Variants in EPB41 observed in about 807,000 individuals in gnomAD.
EPB41 encodes protein 4.1.
In EPB41, 65 loss-of-function variants were observed where a neutral mutation model predicts 108.0. The observed-to-expected ratio is 0.60, with a 90% CI of 0.49 to 0.74. The LOEUF (loss-of-function observed/expected upper bound fraction) is 0.74, where lower values mean the gene tolerates loss of function less well. Ranked by LOEUF, EPB41 falls within the 30% of genes least tolerant of loss-of-function variation. The pLI is 0.00. For synonymous variants in EPB41, 336 were observed against 358.9 expected, an observed-to-expected ratio of 0.94 and a Z score of 0.72; for missense variants, 875 against 1,037.0, an observed-to-expected ratio of 0.84 and a Z score of 2.15.
At chr1:28,904,783 C>T (rs1360231164) in intron 1 of EPB41, among the ~76,000 whole-genome samples, 1 of 151,968 alleles carries the variant, frequency 6.6e-6, no homozygotes, top group Non-Finnish European at 1.5e-5. Context: ...CCTGTGATCC[C>T]AGCATTTTGG....
At chr1:28,938,905 C>T (rs1012989814) in intron 1 of EPB41, among the ~76,000 whole-genome samples, 2 of 152,142 alleles carry the variant, frequency 1.3e-5, no homozygotes, top group African/African-American at 4.8e-5. Flanking sequence ...TTTCTATTTA[C>T]AAGATTATGT....
intron 5 of EPB41, among the ~76,000 whole-genome samples, chr1:29,014,775 A>G (rs2096556002): frequency 6.6e-6 from 1 of 152,228 alleles, no homozygotes; most frequent in Non-Finnish European, 1.5e-5. Flanking sequence ...GTGTTTTAAT[A>G]TAAATATGCA....
chr1:29,109,910 T>C (rs2151684855), intron 18 of EPB41, among the ~76,000 whole-genome samples: 1 of 152,252 alleles, frequency 6.6e-6, no homozygotes, highest in South Asian at 2.1e-4. Context: ...GGCATACACC[T>C]GTAGTCCCAG....
intron 1 of EPB41, among the ~76,000 whole-genome samples, chr1:28,918,494 CAAT>C (rs2092844968): frequency 6.6e-6 from 1 of 152,206 alleles, no homozygotes; most frequent in Non-Finnish European, 1.5e-5. Flanking sequence ...AGCTAAACAA[CAAT>C]AATTCCAATA....
intron 1 of EPB41, among the ~76,000 whole-genome samples, chr1:28,931,414 A>C (rs2093737320): frequency 6.6e-6 from 1 of 150,962 alleles, no homozygotes; most frequent in African/African-American, 2.4e-5. Flanking sequence ...CACAAATATC[A>C]CAAAATTTAG....
chr1:29,002,450 C>CAAAAAAAA (rs773724543), intron 4 of EPB41, among the ~76,000 whole-genome samples: 1 of 115,220 alleles, frequency 8.7e-6, no homozygotes. Flanking sequence ...GACCCTACCT[C>CAAAAAAAA]AAAAAAAAAA....
rs900451456 is a variant in EPB41 at position 29,001,392 on chromosome 1, T to G, written c.786+4073T>G. Among the ~76,000 whole-genome samples, 16 of 152,122 alleles carry G rather than the reference T, an allele frequency of 1.1e-4. 1 individual carries two copies. Among genetic ancestry groups the G allele is most frequent in the Non-Finnish European group, 4.4e-5 (3 of 68,008 alleles). On this transcript the variant is annotated intron_variant, in intron 4 of 20. Coordinates refer to ENST00000343067, the MANE Select transcript of EPB41 (RefSeq NM_001376013.1). ...TAGTCTGGATGGGTATCACAGTCTGTTTTATATACAGCTGTCCCTGGTATC... is the reference window on the plus strand; with the variant it reads ...TAGTCTGGATGGGTATCACAGTCTGGTTTATATACAGCTGTCCCTGGTATC...
intron 17 of EPB41, among the ~76,000 whole-genome samples, chr1:29,099,194 C>G (rs1664358144): frequency 6.7e-6 from 1 of 149,634 alleles, no homozygotes; most frequent in Non-Finnish European, 1.5e-5. Context: ...GTAATCCCAG[C>G]TACTCAGGAG....
chr1:29,074,660 G>T (rs901684570), intron 16 of EPB41, among the ~76,000 whole-genome samples: 5 of 152,166 alleles, frequency 3.3e-5, no homozygotes, highest in Non-Finnish European at 4.4e-5. Flanking sequence ...AAGAGCAGTG[G>T]CTATGATCAA....
At chr1:28,904,626 G>A (rs1244445545) in intron 1 of EPB41, among the ~76,000 whole-genome samples, 3 of 152,078 alleles carry the variant, frequency 2.0e-5, no homozygotes, top group Non-Finnish European at 4.4e-5. Context: ...GGCCAGGCGC[G>A]GTGGCTCATG....
At position 29,088,231 on chromosome 1, in the gene EPB41, G is replaced by A. The variant is rs969380663; in HGVS notation, c.2185-9576G>A. Among the ~76,000 whole-genome samples the A allele has an allele frequency of 2.6e-5, 4 of 151,862 alleles. No individual in the cohort carries two copies. The East Asian group carries it at 7.7e-4, about 29-fold the overall frequency. On this transcript the variant is annotated intron_variant, in intron 16 of 20. Transcript: ENST00000343067. ...CTGGCTAATTTTTGTATTTTTAGTA[G>A]AGACGGGGTTTCGCCATGTTGGCTA...
intron 16 of EPB41, among the ~76,000 whole-genome samples, chr1:29,087,802 T>C (rs1659705043): frequency 6.6e-6 from 1 of 152,134 alleles, no homozygotes; most frequent in Admixed American, 6.5e-5. Context: ...AGAAAGCCTT[T>C]AGGAAAAAAA....
At chr1:29,060,552 T>C in intron 15 of EPB41, 68 bp downstream of exon 15, 1 of 1,389,288 alleles carries the variant, frequency 7.2e-7, no homozygotes, top group Non-Finnish European at 1.0e-6. Flanking sequence ...GCTGATCCCC[T>C]TTTCTTCATT....
chr1:28,903,351 G>T (rs780438433), intron 1 of EPB41, among the ~76,000 whole-genome samples: 4 of 145,742 alleles, frequency 2.7e-5, no homozygotes, highest in Non-Finnish European at 5.9e-5. Flanking sequence ...TTGAGCTAAG[G>T]TCTCACTCTG....
intron 7 of EPB41, among the ~76,000 whole-genome samples, chr1:29,026,303 T>G (rs934758108): frequency 1.1e-4 from 17 of 152,228 alleles, no homozygotes; most frequent in Admixed American, 6.5e-4. Context: ...AGGGAGAAAC[T>G]AAAATGAACC....
intron 16 of EPB41, among the ~76,000 whole-genome samples, chr1:29,081,767 G>A (rs1573688654): frequency 6.6e-6 from 1 of 151,498 alleles, no homozygotes; most frequent in African/African-American, 2.4e-5. Context: ...CCTGGAAGGC[G>A]GAGGTTGCAG....
chr1:29,042,781 T>C (rs868090753), intron 11 of EPB41, among the ~76,000 whole-genome samples: 7 of 152,160 alleles, frequency 4.6e-5, no homozygotes, highest in African/African-American at 1.7e-4. Flanking sequence ...AACTTTTTTT[T>C]TTTTGGTGTT....
intron 1 of EPB41, among the ~76,000 whole-genome samples, chr1:28,922,787 C>T (rs933272005): frequency 2.0e-5 from 3 of 151,920 alleles, no homozygotes; most frequent in African/African-American, 7.3e-5. Flanking sequence ...GCTACCATGC[C>T]CGGCTAATTT....
chr1:29,096,661 T>A (rs1663301119), intron 16 of EPB41: 1 of 927,776 alleles, frequency 1.1e-6, no homozygotes, highest in Admixed American at 6.2e-5. Context: ...AGGGCCAGAA[T>A]CTGTCCTGTG....
Sources: allele counts gnomAD v4.1 joint callset (sites outside exome capture counted in the v4.1 genomes callset), GRCh38; gene constraint gnomAD v4.1.1; transcripts MANE v1.5; gene names NCBI Gene and HGNC (gene_info 2026-07-23, HGNC 2026-07-21).